FBXO34: variants seen among roughly 807,000 people sequenced by gnomAD.
FBXO34 encodes the protein F-box only protein 34.
In FBXO34, 12 loss-of-function variants were observed where a neutral mutation model predicts 24.5. That is an observed-to-expected ratio of 0.49 (90% confidence interval 0.31 to 0.79). FBXO34 has a LOEUF of 0.79. Ranked by LOEUF, FBXO34 falls within the 30% of genes least tolerant of loss-of-function variation. FBXO34 has a pLI of 0.04. For missense variants in FBXO34, 823 were observed against 857.7 expected (o/e 0.96, Z 0.51); for synonymous variants, 320 against 311.9 (o/e 1.03, Z -0.27).
the FBXO34 span, among the ~76,000 whole-genome samples, chr14:55,383,712 A>G: frequency 6.6e-6 from 1 of 152,068 alleles, no homozygotes; most frequent in Non-Finnish European, 1.5e-5. Context: ...TGCTATAATC[A>G]TACCATTGCA....
intron 1 of FBXO34, among the ~76,000 whole-genome samples, chr14:55,336,964 TC>T (rs1883802239): frequency 7.4e-6 from 1 of 135,874 alleles, no homozygotes; most frequent in South Asian, 2.4e-4. Context: ...GTCTCTTCAC[TC>T]TTTTTTTTAT....
At chr14:55,294,872 C>T (rs375005537) in intron 1 of FBXO34, among the ~76,000 whole-genome samples, 7 of 152,222 alleles carry the variant, frequency 4.6e-5, no homozygotes, top group Non-Finnish European at 7.4e-5. Flanking sequence ...GTTTGACTTA[C>T]GTCCCGATAA....
the FBXO34 span, among the ~76,000 whole-genome samples, chr14:55,433,035 T>TA: frequency 6.6e-6 from 1 of 152,112 alleles, no homozygotes; most frequent in African/African-American, 2.4e-5. Context: ...TACTGTAACT[T>TA]AAAAAAAATT....
intron 1 of FBXO34, among the ~76,000 whole-genome samples, chr14:55,317,423 GTGACCC>G (rs1882969965): frequency 6.6e-6 from 1 of 152,112 alleles, no homozygotes; most frequent in South Asian, 2.1e-4. Flanking sequence ...AGAGGTTGCA[GTGACCC>G]GAGATTGTGC....
At chr14:55,436,560 C>A in the FBXO34 span, 70 of 1,611,946 alleles carry the variant, frequency 4.3e-5, 1 homozygote, top group Non-Finnish European at 8.5e-6. Context: ...TAAAAACTTA[C>A]TGTAGTTGAG....
the FBXO34 span, chr14:55,433,529 A>G: frequency 5.4e-6 from 6 of 1,103,512 alleles, no homozygotes; most frequent in Non-Finnish European, 8.0e-6. Flanking sequence ...AAAGAAAGGC[A>G]TTTTGCTTCT....
At chr14:55,414,411 A>G in the FBXO34 span, 1 of 1,609,260 alleles carries the variant, frequency 6.2e-7, no homozygotes, top group Admixed American at 1.7e-5. Context: ...AGAATAGGAT[A>G]GATGTTTTCA....
chr14:55,373,609 G>A (rs529077747), downstream of FBXO34, among the ~76,000 whole-genome samples: 4 of 152,076 alleles, frequency 2.6e-5, 1 homozygote, highest in African/African-American at 4.8e-5. Flanking sequence ...ACAGGCACCC[G>A]CCACCACGCC....
the FBXO34 span, among the ~76,000 whole-genome samples, chr14:55,400,909 T>TAAATAAAATAAAATAAAATA: frequency 1.4e-5 from 2 of 143,262 alleles, no homozygotes; most frequent in African/African-American, 5.3e-5. Flanking sequence ...CTCAAATAAA[T>TAAATAAAATAAAATAAAATA]AAATAAAATA....
At chr14:55,378,073 C>T in the FBXO34 span, 1 of 1,610,788 alleles carries the variant, frequency 6.2e-7, no homozygotes, top group Non-Finnish European at 8.5e-7. Context: ...CCACAAAATT[C>T]ACTGTAAAAC....
the FBXO34 span, chr14:55,428,898 C>A: frequency 6.2e-7 from 1 of 1,614,142 alleles, no homozygotes; most frequent in East Asian, 2.2e-5. Context: ...ATTTTAAAAT[C>A]GAGGAATCTG....
downstream of FBXO34, chr14:55,353,694 A>T (rs1884471310): frequency 6.0e-6 from 1 of 166,254 alleles, no homozygotes; most frequent in Non-Finnish European, 1.5e-5. Flanking sequence ...AGAATTTTTT[A>T]AATTGTTTTG....
chr14:55,297,409 G>C (rs1566544878), intron 1 of FBXO34, among the ~76,000 whole-genome samples: 1 of 152,074 alleles, frequency 6.6e-6, no homozygotes, highest in Non-Finnish European at 1.5e-5. Flanking sequence ...GCCTCTCAGT[G>C]CCCCATTTTT....
At chr14:55,440,376 G>C in the FBXO34 span, 3 of 1,612,862 alleles carry the variant, frequency 1.9e-6, no homozygotes, top group Non-Finnish European at 2.5e-6. Flanking sequence ...CTGACTCTGG[G>C]ACAGTGGCGG....
intron 1 of FBXO34, among the ~76,000 whole-genome samples, chr14:55,306,794 C>G (rs1293345161): frequency 1.3e-5 from 2 of 151,848 alleles, no homozygotes; most frequent in Non-Finnish European, 2.9e-5. Context: ...GATTGCATCA[C>G]GGCAGTTCAG....
Position 55,351,536 on chromosome 14 carries a change from C to G in FBXO34, c.1146C>G (p.Phe382Leu). The change falls in exon 2 of 2, where the codon TTC becomes TTG. Residue 382 changes from phenylalanine (F) to leucine (L), a missense_variant. By Grantham distance (22) the Phe-to-Leu change is conservative. This residue lies in a region of FBXO34 where 693 missense variants were observed against 659.1 expected (regional missense o/e 1.05). Coordinates refer to ENST00000313833, the MANE Select transcript of FBXO34 (RefSeq NM_017943.4). ...CCCCATTGCCAGCAGGAGTGAGTTT[C>G]CACATAGACAGTGCAGAGTTAGAGC... ...DCPPLPAGVSFHIDSAELEPG... is the reference protein window; with the variant it reads ...DCPPLPAGVSLHIDSAELEPG... The G allele has an allele frequency of 6.2e-7, 1 of 1,614,122 alleles. No individual in the cohort carries two copies. The highest frequency in any genetic ancestry group is 8.5e-7 in the Non-Finnish European group (1 of 1,180,026).
At chr14:55,433,500 ATT>A in the FBXO34 span, 1 of 849,482 alleles carries the variant, frequency 1.2e-6, no homozygotes, top group East Asian at 2.4e-5. Context: ...GTGGCATTTC[ATT>A]GAATAAAGTC....
the FBXO34 span, among the ~76,000 whole-genome samples, chr14:55,436,201 C>T: frequency 5.3e-5 from 8 of 152,144 alleles, no homozygotes; most frequent in African/African-American, 1.9e-4. Context: ...ATAGAAATTA[C>T]AATTCTGAAT....
the FBXO34 span, among the ~76,000 whole-genome samples, chr14:55,409,126 G>A: frequency 2.0e-5 from 3 of 152,144 alleles, no homozygotes; most frequent in African/African-American, 4.8e-5. Context: ...ACTAAAACTC[G>A]GATAGATTCA....
Sources: allele counts gnomAD v4.1 joint callset (sites outside exome capture counted in the v4.1 genomes callset), GRCh38; gene constraint gnomAD v4.1.1; regional missense constraint gnomAD v4.1.1; transcripts MANE v1.5; gene names NCBI Gene and HGNC (gene_info 2026-07-23, HGNC 2026-07-21).